Variants in TTLL7 observed in about 807,000 individuals in gnomAD.
TTLL7 encodes tubulin tyrosine ligase like 7, also known as tubulin polyglutamylase TTLL7.
A neutral mutation model predicts 120.2 loss-of-function variants in TTLL7; 53 were observed. The observed-to-expected ratio is 0.44, with a 90% CI of 0.35 to 0.55. The LOEUF (loss-of-function observed/expected upper bound fraction) is 0.55. Among genes scored for constraint, TTLL7 ranks in the 20% least tolerant of loss-of-function variants. The pLI is 0.00. For missense variants in TTLL7, 803 were observed against 1,054.7 expected, an observed-to-expected ratio of 0.76 and a Z score of 3.31; for synonymous variants, 353 against 351.7, an observed-to-expected ratio of 1.00 and a Z score of -0.04.
At chr1:83,966,990 TGAA>T (rs1169191201) in intron 1 of TTLL7, among the ~76,000 whole-genome samples, 3 of 152,170 alleles carry the variant, frequency 2.0e-5, no homozygotes, top group South Asian at 2.1e-4. Flanking sequence ...TCTTCCAATG[TGAA>T]GAAGTTTACA....
intron 1 of TTLL7, among the ~76,000 whole-genome samples, chr1:83,973,945 G>A (rs908970011): frequency 3.3e-5 from 5 of 152,090 alleles, no homozygotes; most frequent in Middle Eastern, 3.4e-3. Context: ...ATCTTGACCA[G>A]GGTTATGCTT....
chr1:83,972,371 T>C (rs1272673071), intron 1 of TTLL7, among the ~76,000 whole-genome samples: 11 of 152,104 alleles, frequency 7.2e-5, no homozygotes, highest in Non-Finnish European at 1.6e-4. Flanking sequence ...TATGTAGCCT[T>C]ATCAGATTGG....
intron 19 of TTLL7, among the ~76,000 whole-genome samples, chr1:83,886,281 AGAAAG>A (rs1654965238): frequency 6.6e-6 from 1 of 152,012 alleles, no homozygotes; most frequent in Non-Finnish European, 1.5e-5. Flanking sequence ...AGCAGAAAGG[AGAAAG>A]GAAAAGTTGT....
chr1:83,915,775 T>A (rs377068052), intron 14 of TTLL7, among the ~76,000 whole-genome samples: 1 of 151,592 alleles, frequency 6.6e-6, no homozygotes, highest in African/African-American at 2.4e-5. Flanking sequence ...GAATCTACAA[T>A]GAACTCAAAC....
chr1:83,900,025 A>G, intron 18 of TTLL7: 1 of 278,238 alleles, frequency 3.6e-6, no homozygotes, highest in Non-Finnish European at 7.0e-6. Flanking sequence ...AAGTCAACTG[A>G]GCATAATAAC....
At chr1:83,917,302 G>C (rs184605268) in intron 14 of TTLL7, among the ~76,000 whole-genome samples, 4 of 152,192 alleles carry the variant, frequency 2.6e-5, no homozygotes, top group African/African-American at 9.6e-5. Context: ...TATCTGTCTA[G>C]AGGTATGAGG....
chr1:83,882,244 T>A (rs1402795354), intron 20 of TTLL7, among the ~76,000 whole-genome samples: 2 of 148,518 alleles, frequency 1.3e-5, no homozygotes, highest in South Asian at 4.2e-4. Flanking sequence ...ATAATAATAA[T>A]AAAATAAAAA....
intron 1 of TTLL7, among the ~76,000 whole-genome samples, chr1:83,992,393 A>G (rs1439613966): frequency 6.6e-6 from 1 of 152,150 alleles, no homozygotes; most frequent in African/African-American, 2.4e-5. Flanking sequence ...ATTAGTTTAA[A>G]AAAAATTCAG....
intron 19 of TTLL7, among the ~76,000 whole-genome samples, chr1:83,885,502 T>C (rs1229819894): frequency 2.0e-5 from 3 of 152,016 alleles, no homozygotes; most frequent in Admixed American, 1.3e-4. Flanking sequence ...CACTCTCTCA[T>C]TCTCCCTTAA....
intron 14 of TTLL7, among the ~76,000 whole-genome samples, chr1:83,914,880 C>A (rs566598411): frequency 1.3e-5 from 2 of 152,266 alleles, no homozygotes; most frequent in South Asian, 2.1e-4. Flanking sequence ...ATTTTGAGAA[C>A]CTACTGTGTG....
At chr1:83,917,542 A>C in intron 14 of TTLL7, 62 bp downstream of exon 14, 1 of 1,185,986 alleles carries the variant, frequency 8.4e-7, no homozygotes, top group Non-Finnish European at 1.2e-6. Context: ...TCTTATAGTG[A>C]GAAGTATCAA....
At chr1:83,915,473 CCTT>C (rs1046812303) in intron 14 of TTLL7, among the ~76,000 whole-genome samples, 3 of 152,150 alleles carry the variant, frequency 2.0e-5, no homozygotes, top group Admixed American at 6.5e-5. Flanking sequence ...CTTCCTTACA[CCTT>C]ATACTAAAAT....
intron 10 of TTLL7, among the ~76,000 whole-genome samples, chr1:83,926,743 T>G (rs1231610944): frequency 1.3e-5 from 2 of 152,178 alleles, no homozygotes; most frequent in Non-Finnish European, 2.9e-5. Context: ...AGACAGGCAA[T>G]TTAACTTAAT....
chr1:83,937,699 GTGGCTGTGTAA>G (rs1297344854), intron 8 of TTLL7, among the ~76,000 whole-genome samples, 142 bp downstream of exon 8: 1 of 152,176 alleles, frequency 6.6e-6, no homozygotes, highest in Non-Finnish European at 1.5e-5. Context: ...TAGGCAGCGT[GTGGCTGTGTAA>G]TGATCTGATT....
intron 18 of TTLL7, among the ~76,000 whole-genome samples, chr1:83,892,322 ATATATG>A (rs1239734461): frequency 4.4e-5 from 2 of 45,796 alleles, no homozygotes; most frequent in Non-Finnish European, 5.0e-5. Flanking sequence ...ATATATGAAT[ATATATG>A]TATATATGAA....
At chr1:83,892,928 G>GAGAAAGAAAGAAAAGAAAGAAAGAA (rs150081804) in intron 18 of TTLL7, among the ~76,000 whole-genome samples, 1 of 102,714 alleles carries the variant, frequency 9.7e-6, no homozygotes, top group African/African-American at 5.7e-5. Flanking sequence ...GAAAGAAAAA[G>GAGAAAGAAAGAAAAGAAAGAAAGAA]AGAAAGAAAG....
intron 14 of TTLL7, among the ~76,000 whole-genome samples, chr1:83,916,493 G>C (rs552551378): frequency 1.5e-4 from 21 of 137,112 alleles, no homozygotes; most frequent in Non-Finnish European, 2.3e-4. Flanking sequence ...GCCTGTTGTG[G>C]AGTGGGGGAG....
chr1:83,870,210 T>C, intron 20 of TTLL7, 128 bp from the exon 21 acceptor site: 1 of 841,796 alleles, frequency 1.2e-6, no homozygotes, highest in South Asian at 2.5e-5. Context: ...GCAATTCATA[T>C]AAAAAGATTT....
rs1657643953 is a variant in TTLL7 at position 83,911,181 on chromosome 1, T to C, written c.1770A>G (p.Lys590=). The part of the protein sequence containing the change: ...TYNLKPSNHY[K]LIQQPSSIRR... Reference sequence around the variant, plus strand: ...TTGACTTACTGGGTTGTTGAATTAATTTGTAGTGGTTGGAGGGTTTAAGAT... The same window carrying C: ...TTGACTTACTGGGTTGTTGAATTAACTTGTAGTGGTTGGAGGGTTTAAGAT... Residue 590 remains lysine (K), a synonymous_variant, in exon 15 of 21, where the codon AAA becomes AAG. Coordinates refer to ENST00000260505, the MANE Select transcript of TTLL7 (RefSeq NM_024686.6). 3 of 1,609,688 alleles carry C rather than the reference T, an allele frequency of 1.9e-6. No homozygotes were observed. Among genetic ancestry groups the C allele is most frequent in the South Asian group, 1.1e-5 (1 of 90,850 alleles).
Sources: allele counts gnomAD v4.1 joint callset (sites outside exome capture counted in the v4.1 genomes callset), GRCh38; gene constraint gnomAD v4.1.1; transcripts MANE v1.5; gene names NCBI Gene and HGNC (gene_info 2026-07-23, HGNC 2026-07-21).